ARFGEF2: variants seen among roughly 807,000 people sequenced by gnomAD.
ARFGEF2 encodes the protein ARF guanine nucleotide exchange factor 2, also known as brefeldin A-inhibited guanine nucleotide-exchange protein 2.
A neutral mutation model predicts 219.9 loss-of-function variants in ARFGEF2; 74 were observed. The ratio of observed to expected loss-of-function variants is 0.34; its 90% CI spans 0.28 to 0.41. The LOEUF (loss-of-function observed/expected upper bound fraction) is 0.41, where lower values mean the gene tolerates loss of function less well. ARFGEF2 is among the 10% of genes least tolerant of loss of function. The pLI, the probability that ARFGEF2 is intolerant of heterozygous loss-of-function variation, is 1.00. For synonymous variants in ARFGEF2, 733 were observed against 799.2 expected, an observed-to-expected ratio of 0.92 and a Z score of 1.40; for missense variants, 1,743 against 2,218.3, an observed-to-expected ratio of 0.79 and a Z score of 4.30.
chr20:49,029,521 C>T (rs745917086), intron 37 of ARFGEF2, among the ~76,000 whole-genome samples: 1 of 152,054 alleles, frequency 6.6e-6, no homozygotes, highest in African/African-American at 2.4e-5. Context: ...TTAAGCAGCT[C>T]AACTGTGGAA....
chr20:49,023,289 T>C, intron 35 of ARFGEF2, 108 bp downstream of exon 35: 2 of 1,440,056 alleles, frequency 1.4e-6, no homozygotes, highest in Non-Finnish European at 1.9e-6. Context: ...CCTGTCATGC[T>C]CATCTCTTTC....
rs760655501 is a variant in ARFGEF2 at position 49,010,245 on chromosome 20, C to T, written c.3598C>T (p.Arg1200Trp). ...TTCTTTCCTCAGGTCTCCCACCATC[C>T]GGGACATGGCGATCCGCTGCATTGC... The part of the protein sequence containing the change: ...IMKKNRSPTI[R>W]DMAIRCIAQM... Residue 1200 changes from arginine to tryptophan, a missense_variant, in exon 27 of 39, where the codon CGG (arginine) becomes TGG (tryptophan). Around this residue, in one of 5 missense-constraint regions of ARFGEF2, gnomAD observed 102 missense variants for 146.8 expected, o/e 0.69. Coordinates refer to ENST00000371917, the MANE Select transcript of ARFGEF2 (RefSeq NM_006420.3). The T allele has an allele frequency of 8.7e-6, 14 of 1,613,772 alleles. No homozygotes were observed. The highest frequency in any genetic ancestry group is 2.7e-5 in the African/African-American group (2 of 74,926).
At chr20:48,981,362 A>T (rs1359043801) in intron 14 of ARFGEF2, among the ~76,000 whole-genome samples, 3 of 152,206 alleles carry the variant, frequency 2.0e-5, no homozygotes, top group Admixed American at 1.3e-4. Context: ...TATTAGTCTG[A>T]TGGGCTTCCC....
rs1309165448 is a variant in ARFGEF2 at position 48,994,558 on chromosome 20, C to T, written c.3081C>T (p.Gly1027=). The T allele has an allele frequency of 6.2e-7, 1 of 1,614,066 alleles. No homozygotes were observed. Among genetic ancestry groups the T allele is most frequent in the South Asian group, 1.1e-5 (1 of 91,078 alleles). The change falls in exon 22 of 39, where the codon GGC becomes GGT. Residue 1027 remains glycine (G), a synonymous_variant. Transcript: ENST00000371917. ...SGREREGSLK[G]HTLAGEEFMG... is the part of the protein sequence containing the mutation. ...GTGAAAGAGAAGGGAGCCTGAAGGG[C>T]CACACATTGGCAGGAGAAGAGTTCA...
At chr20:49,023,274 C>T in intron 35 of ARFGEF2, 93 bp downstream of exon 35, 1 of 1,501,544 alleles carries the variant, frequency 6.7e-7, no homozygotes, top group Non-Finnish European at 9.1e-7. Flanking sequence ...ACTGGCTTTC[C>T]AGAGCCTGTC....
At chr20:49,016,164 A>G in intron 30 of ARFGEF2, 116 bp from the exon 31 acceptor site, 4 of 1,055,910 alleles carry the variant, frequency 3.8e-6, no homozygotes, top group Non-Finnish European at 5.7e-6. Flanking sequence ...TTTAAGACGT[A>G]TTCTTGATAC....
At position 48,973,169 on chromosome 20, in the gene ARFGEF2, A is replaced by G; in HGVS notation, c.1550A>G (p.Tyr517Cys). ...GATGCCCAGTGTGTTGTGGATATTTATGTCAACTACGACTGTGATTTAAAT... is the reference window on the plus strand; with the variant it reads ...GATGCCCAGTGTGTTGTGGATATTTGTGTCAACTACGACTGTGATTTAAAT... ...CADAQCVVDI[Y>C]VNYDCDLNAA... Residue 517 changes from tyrosine (Y) to cysteine (C), a missense_variant, in exon 12 of 39, where the codon TAT becomes TGT. Around this residue, in one of 5 missense-constraint regions of ARFGEF2, gnomAD observed 666 missense variants for 955.4 expected, o/e 0.70. Coordinates refer to ENST00000371917, the MANE Select transcript of ARFGEF2 (RefSeq NM_006420.3). 1 of 1,614,192 alleles carries G rather than the reference A, an allele frequency of 6.2e-7. No individual in the cohort carries two copies. Among genetic ancestry groups the G allele is most frequent in the Non-Finnish European group, 8.5e-7 (1 of 1,180,024 alleles).
chr20:48,953,505 T>C, intron 5 of ARFGEF2, 51 bp from the exon 6 acceptor site: 2 of 1,568,008 alleles, frequency 1.3e-6, no homozygotes, highest in Non-Finnish European at 1.8e-6. Context: ...TAGGCTGGCA[T>C]AATTTTTCTT....
intron 18 of ARFGEF2, among the ~76,000 whole-genome samples, chr20:48,989,050 C>G (rs995929588): frequency 2.0e-5 from 3 of 152,110 alleles, no homozygotes; most frequent in African/African-American, 7.2e-5. Flanking sequence ...GCCACACTGC[C>G]TTAGATCAAG....
intron 23 of ARFGEF2, among the ~76,000 whole-genome samples, chr20:48,997,708 T>C (rs998848542): frequency 6.6e-6 from 1 of 152,226 alleles, no homozygotes; most frequent in African/African-American, 2.4e-5. Flanking sequence ...TCAGACCTGA[T>C]GTTTCCTCTC....
At chr20:48,972,674 G>A (rs2091235787) in intron 11 of ARFGEF2, among the ~76,000 whole-genome samples, 1 of 152,150 alleles carries the variant, frequency 6.6e-6, no homozygotes. Flanking sequence ...GTCAAACTGG[G>A]ACACTTGGTT....
At chr20:48,951,053 T>C (rs2041453646) in intron 3 of ARFGEF2, among the ~76,000 whole-genome samples, 1 of 151,840 alleles carries the variant, frequency 6.6e-6, no homozygotes, top group African/African-American at 2.4e-5. Context: ...AGCTATTAAT[T>C]CCTCAGGCTT....
In ARFGEF2 at chr20:49,010,354, A is replaced by G. The variant is rs369727237; in HGVS notation, c.3707A>G (p.His1236Arg). 4 of 1,614,098 alleles carry G rather than the reference A, an allele frequency of 2.5e-6. No homozygotes were observed. Among genetic ancestry groups the G allele is most frequent in the East Asian group, 2.2e-5 (1 of 44,906 alleles). Residue 1236 changes from histidine (H) to arginine (R), a missense_variant, in exon 27 of 39, where the codon CAT becomes CGT. This residue lies in a region of ARFGEF2 where 102 missense variants were observed against 146.8 expected (regional missense o/e 0.69). Coordinates refer to ENST00000371917, the MANE Select transcript of ARFGEF2 (RefSeq NM_006420.3). ...GTGTTCCACCAGGCAGCCTCTGATC[A>G]TGATGGGAACATTGTGGAGCTGGCC... ...FAVFHQAASDHDGNIVELAFQ... is the reference protein window; with the variant it reads ...FAVFHQAASDRDGNIVELAFQ...
At chr20:49,007,143 T>G (rs1169703481) in intron 26 of ARFGEF2, among the ~76,000 whole-genome samples, 1 of 152,102 alleles carries the variant, frequency 6.6e-6, no homozygotes, top group African/African-American at 2.4e-5. Context: ...TGGATTAGAT[T>G]CTGTGCACAT....
Position 49,035,693 on chromosome 20 carries a change from C to G in ARFGEF2, c.*2494C>G, listed in dbSNP as rs2091662380. 6.6e-6 allele frequency: 1 copy of G among 152,506 alleles called. No homozygotes were observed. Among genetic ancestry groups the G allele is most frequent in the Admixed American group, 6.6e-5 (1 of 15,266 alleles). The allele number at this position is 152,506 out of a possible 1,614,324, so 9.4% of individuals were successfully genotyped here. A position where few individuals can be genotyped will look rare whatever the true frequency, so the allele number is the denominator to read the frequency against. ...ATTTTCCAAGGCCTTATTTCTTTTT[C>G]AGAATGCTTTAAGTGTTGATTATAT... On this transcript the variant is annotated 3_prime_UTR_variant, in exon 39 of 39. Transcript: ENST00000371917.
At chr20:48,924,283 G>A (rs916293477) in intron 1 of ARFGEF2, among the ~76,000 whole-genome samples, 9 of 152,138 alleles carry the variant, frequency 5.9e-5, no homozygotes, top group Non-Finnish European at 1.2e-4. Context: ...GCTGAGGCAG[G>A]CAGATCACGA....
chr20:49,018,854 G>A, intron 33 of ARFGEF2, 30 bp from the exon 34 acceptor site: 2 of 1,572,894 alleles, frequency 1.3e-6, no homozygotes, highest in Non-Finnish European at 1.7e-6. Flanking sequence ...AGAAAAGTGA[G>A]CATTGTGTTT....
chr20:48,989,023 T>C (rs2091342327), intron 18 of ARFGEF2, among the ~76,000 whole-genome samples: 1 of 152,198 alleles, frequency 6.6e-6, no homozygotes, highest in African/African-American at 2.4e-5. Context: ...GGTAGTGGTT[T>C]AGAGTGTGGC....
At chr20:48,940,989 CACTT>C (rs2090989730) in intron 1 of ARFGEF2, among the ~76,000 whole-genome samples, 1 of 152,214 alleles carries the variant, frequency 6.6e-6, no homozygotes, top group Admixed American at 6.5e-5. Flanking sequence ...TGAGCTAAAA[CACTT>C]ACAGTAATGC....
Sources: allele counts gnomAD v4.1 joint callset (sites outside exome capture counted in the v4.1 genomes callset), GRCh38; gene constraint gnomAD v4.1.1; regional missense constraint gnomAD v4.1.1; transcripts MANE v1.5; gene names NCBI Gene and HGNC (gene_info 2026-07-23, HGNC 2026-07-21).